SLC12A7: variants seen among roughly 807,000 people sequenced by gnomAD.
SLC12A7 encodes solute carrier family 12 member 7, also known as K-Cl cotransporter 4.
Under a neutral mutation model 120.6 loss-of-function variants are expected in SLC12A7, and 100 were observed. The ratio of observed to expected loss-of-function variants is 0.83; its 90% CI spans 0.71 to 0.98. The LOEUF is 0.98. Ranked by LOEUF, SLC12A7 falls within the 50% of genes least tolerant of loss-of-function variation. The pLI is 0.00. For missense variants in SLC12A7, 1,373 were observed against 1,548.1 expected (o/e 0.89, Z 1.90); for synonymous variants, 760 against 678.0 (o/e 1.12, Z -1.88).
chr5:1,122,976 G>GC, the SLC12A7 span, among the ~76,000 whole-genome samples: 1 of 152,248 alleles, frequency 6.6e-6, no homozygotes, highest in African/African-American at 2.4e-5. Context: ...CGCCCTGGCT[G>GC]CCTGGGGGCG....
intron 22 of SLC12A7, 137 bp from the exon 23 acceptor site, chr5:1,053,619 G>T: frequency 5.1e-6 from 6 of 1,171,742 alleles, no homozygotes; most frequent in Non-Finnish European, 7.0e-6. Flanking sequence ...CGGATTCTCT[G>T]ACCCTGAAGG....
chr5:1,130,556 G>GGGCGGCTGCCCACGCGT, the SLC12A7 span, among the ~76,000 whole-genome samples: 1 of 145,266 alleles, frequency 6.9e-6, no homozygotes, highest in African/African-American at 2.5e-5. Context: ...TGCCCGCGCA[G>GGGCGGCTGCCCACGCGT]GTCCCCTCAC....
intron 1 of SLC12A7, among the ~76,000 whole-genome samples, chr5:1,110,641 G>T (rs1389267259): frequency 6.6e-6 from 1 of 152,222 alleles, no homozygotes; most frequent in Non-Finnish European, 1.5e-5. Context: ...ACCACGCCAG[G>T]GCCCACACTC....
the SLC12A7 span, among the ~76,000 whole-genome samples, chr5:1,134,784 T>A: frequency 2.2e-4 from 33 of 152,036 alleles, no homozygotes; most frequent in Non-Finnish European, 3.4e-4. Flanking sequence ...GGTGAGCAGA[T>A]AAAGCCATGA....
chr5:1,050,709 C>T lies in SLC12A7; in HGVS notation c.*1651G>A. 1 of 395,984 alleles carries T rather than the reference C, an allele frequency of 2.5e-6. No individual in the cohort carries two copies. The highest frequency in any genetic ancestry group is 4.4e-6 in the Non-Finnish European group (1 of 224,930). The allele number at this position is 395,984 out of a possible 1,614,324, so 24.5% of individuals were successfully genotyped here. The stretch of plus-strand genomic sequence containing the variant: ...GTGCAGGGGACACAGGACCTGCCGG[C>T]CCCATCCAGACATGGAGGAGCGTTT... On this transcript the variant is annotated 3_prime_UTR_variant, in exon 24 of 24. Coordinates refer to ENST00000264930, the MANE Select transcript of SLC12A7 (RefSeq NM_006598.3).
intron 20 of SLC12A7, among the ~76,000 whole-genome samples, chr5:1,061,795 C>T (rs1185340695): frequency 1.0e-5 from 1 of 98,868 alleles, no homozygotes. Flanking sequence ...ACTAAAAATA[C>T]AAAGAAAAAA....
rs1254863025 is a variant in SLC12A7 at position 1,065,402 on chromosome 5, C to G, written c.2318G>C (p.Gly773Ala). Residue 773 changes from glycine (G) to alanine (A), a missense_variant, in exon 18 of 24, where the codon GGC (glycine) becomes GCC (alanine). Coordinates refer to ENST00000264930, the MANE Select transcript of SLC12A7 (RefSeq NM_006598.3). The stretch of plus-strand genomic sequence containing the variant: ...GGCCGACTGGATCAGGTGGGACATG[C>G]CATCCCGCAGGCTGGACGAGACCAC... ...QLVVSSSLRDGMSHLIQSAGL... is the reference protein window; with the variant it reads ...QLVVSSSLRDAMSHLIQSAGL... The G allele has an allele frequency of 6.2e-7, 1 of 1,612,538 alleles. No individual in the cohort carries two copies. The highest frequency in any genetic ancestry group is 1.7e-5 in the Admixed American group (1 of 59,984).
At position 1,073,301 on chromosome 5, in the gene SLC12A7, GC is replaced by G. The variant is rs201690659; in HGVS notation, c.2241+331del. Among the ~76,000 whole-genome samples the G allele has an allele frequency of 1.8e-3, 261 of 143,974 alleles. 17 individuals are homozygous for G. Among genetic ancestry groups the G allele is most frequent in the African/African-American group, 6.2e-3 (213 of 34,190 alleles). 94.5% of individuals were successfully genotyped at this position (143,974 alleles called of 152,430 possible). ...AGCACACGGGCATCACACTTATGCA[GC>G]CCCCAGTGAGCCTGAACAGCGGGAG... is the stretch of plus-strand genomic sequence containing the variant. On this transcript the variant is annotated intron_variant, in intron 17 of 23. Transcript: ENST00000264930.
At chr5:1,073,440 G>A (rs1267831186) in intron 17 of SLC12A7, among the ~76,000 whole-genome samples, 193 bp downstream of exon 17, 3 of 152,238 alleles carry the variant, frequency 2.0e-5, no homozygotes, top group Non-Finnish European at 4.4e-5. Flanking sequence ...CACCTCCCAA[G>A]CTTCCCGGGG....
rs1198311337 is a variant in SLC12A7, at chr5:1,064,113, C to T, written c.2577G>A (p.Met859Ile). Residue 859 changes from methionine to isoleucine, a missense_variant, in exon 19 of 24, where the codon ATG becomes ATA. Coordinates refer to ENST00000264930, the MANE Select transcript of SLC12A7 (RefSeq NM_006598.3). ...GCTGGCGCAGCAGGAAGGGCAGCAG[C>T]ATGAGCATGCCGCCGTCGTGCACGA... ...WWIVHDGGML[M>I]LLPFLLRQHK... The T allele has an allele frequency of 1.2e-6, 2 of 1,609,572 alleles. No individual in the cohort carries two copies. Among genetic ancestry groups the T allele is most frequent in the African/African-American group, 2.7e-5 (2 of 74,844 alleles).
chr5:1,136,900 C>T, the SLC12A7 span, among the ~76,000 whole-genome samples: 82 of 151,844 alleles, frequency 5.4e-4, 1 homozygote, highest in Admixed American at 7.2e-4. Flanking sequence ...GACACGCAGG[C>T]ACACATGTGC....
At chr5:1,078,816 G>A in intron 10 of SLC12A7, 58 bp from the exon 11 acceptor site, 1 of 612,530 alleles carries the variant, frequency 1.6e-6, no homozygotes, top group Non-Finnish European at 2.9e-6. Context: ...AGGTACGGGG[G>A]GTGGGGTGGG....
chr5:1,079,676 G>A (rs1207634795), intron 9 of SLC12A7, among the ~76,000 whole-genome samples, 180 bp from the exon 10 acceptor site: 1 of 152,174 alleles, frequency 6.6e-6, no homozygotes, highest in Non-Finnish European at 1.5e-5. Context: ...GGGGATGCGG[G>A]CCCAGGCACG....
At chr5:1,074,260 C>T (rs370425073) in intron 16 of SLC12A7, among the ~76,000 whole-genome samples, 13 of 152,130 alleles carry the variant, frequency 8.5e-5, no homozygotes, top group Non-Finnish European at 1.5e-4. Flanking sequence ...AGGCCCCCGC[C>T]GAGGCCCTGA....
In SLC12A7 at chr5:1,061,452, G is replaced by A. The variant is rs530787553; in HGVS notation, c.2740-1001C>T. Among the ~76,000 whole-genome samples the A allele has an allele frequency of 5.0e-3, 217 of 43,300 alleles. 1 individual carries two copies. The highest frequency in any genetic ancestry group is 9.3e-3 in the East Asian group (8 of 864). 28.4% of individuals were successfully genotyped at this position (43,300 alleles called of 152,430 possible). On this transcript the variant is annotated intron_variant, in intron 20 of 23. Coordinates refer to ENST00000264930, the MANE Select transcript of SLC12A7 (RefSeq NM_006598.3). The stretch of plus-strand genomic sequence containing the variant: ...GTCTCACCCACCGCACCCGCCGTGC[G>A]GGATCCCTGAGTCTCACCCGCCGCA...
At chr5:1,144,818 AG>A in the SLC12A7 span, among the ~76,000 whole-genome samples, 4 of 152,242 alleles carry the variant, frequency 2.6e-5, no homozygotes, top group Non-Finnish European at 5.9e-5. Context: ...CTGAATAAAC[AG>A]GGGCCACTGC....
upstream of SLC12A7, among the ~76,000 whole-genome samples, chr5:1,112,914 G>C (rs1743154020): frequency 7.8e-6 from 1 of 128,112 alleles, no homozygotes; most frequent in Non-Finnish European, 1.6e-5. Flanking sequence ...GAAGACCCCA[G>C]TCTCCTCCAC....
intron 17 of SLC12A7, among the ~76,000 whole-genome samples, chr5:1,068,416 AGAG>A (rs199880479): frequency 0.048 from 7,243 of 152,312 alleles, 577 homozygotes; most frequent in African/African-American, 0.16. Context: ...CCTGGGCAAC[AGAG>A]GGAGACTCTG....
intron 3 of SLC12A7, among the ~76,000 whole-genome samples, chr5:1,090,214 G>A (rs1228224906): frequency 6.6e-6 from 1 of 152,238 alleles, no homozygotes; most frequent in South Asian, 2.1e-4. Flanking sequence ...TGGCTTCTGG[G>A]GTCACCGTGC....
Sources: allele counts gnomAD v4.1 joint callset (sites outside exome capture counted in the v4.1 genomes callset), GRCh38; gene constraint gnomAD v4.1.1; transcripts MANE v1.5; gene names NCBI Gene and HGNC (gene_info 2026-07-23, HGNC 2026-07-21).